Variants in PLXDC2 observed in about 807,000 individuals in gnomAD.
PLXDC2 encodes the protein plexin domain-containing protein 2.
In PLXDC2, 40 loss-of-function variants were observed where a neutral mutation model predicts 68.9. The observed-to-expected ratio is 0.58, with a 90% CI of 0.45 to 0.76. The LOEUF (loss-of-function observed/expected upper bound fraction) is 0.76, where lower values mean the gene tolerates loss of function less well. Ranked by LOEUF, PLXDC2 falls within the 30% of genes least tolerant of loss-of-function variation. The pLI is 0.00. For missense variants in PLXDC2, 644 were observed against 661.9 expected, an observed-to-expected ratio of 0.97 and a Z score of 0.30; for synonymous variants, 243 against 234.2, an observed-to-expected ratio of 1.04 and a Z score of -0.34.
chr10:20,247,965 G>C (rs1255635529), intron 13 of PLXDC2, among the ~76,000 whole-genome samples: 4 of 152,142 alleles, frequency 2.6e-5, no homozygotes, highest in Non-Finnish European at 5.9e-5. Context: ...CGTTTTCTTG[G>C]AAGAAAGTAG....
intron 4 of PLXDC2, among the ~76,000 whole-genome samples, chr10:20,084,873 G>A (rs1589621636): frequency 8.6e-6 from 1 of 116,712 alleles, no homozygotes; most frequent in Non-Finnish European, 1.6e-5. Flanking sequence ...CGAAGGCCGT[G>A]GCAGAGGAAA....
intron 1 of PLXDC2, among the ~76,000 whole-genome samples, chr10:19,819,417 G>C (rs2131992039): frequency 1.3e-5 from 2 of 152,182 alleles, no homozygotes; most frequent in South Asian, 4.1e-4. Flanking sequence ...TATAAAAAAA[G>C]CAAGGTGAAA....
At chr10:20,092,049 C>T (rs1054888371) in intron 4 of PLXDC2, among the ~76,000 whole-genome samples, 5 of 122,136 alleles carry the variant, frequency 4.1e-5, no homozygotes, top group East Asian at 2.3e-4. Context: ...ATTTACTAAG[C>T]GAAACTTCAT....
At chr10:19,920,253 C>T (rs1033658531) in intron 1 of PLXDC2, among the ~76,000 whole-genome samples, 9 of 152,166 alleles carry the variant, frequency 5.9e-5, no homozygotes, top group Non-Finnish European at 5.9e-5. Flanking sequence ...AACTGCTGAG[C>T]AGAGGAGGGT....
intron 4 of PLXDC2, among the ~76,000 whole-genome samples, chr10:20,098,101 C>A (rs539282422): frequency 2.4e-3 from 365 of 151,982 alleles, no homozygotes; most frequent in African/African-American, 8.0e-3. Flanking sequence ...GCTGCTGTAA[C>A]AAGTTACAAA....
At chr10:20,229,494 G>A (rs1052783395) in intron 12 of PLXDC2, among the ~76,000 whole-genome samples, 2 of 120,168 alleles carry the variant, frequency 1.7e-5, no homozygotes, top group Non-Finnish European at 3.2e-5. Context: ...TATTACTCAC[G>A]TAATATGCTG....
At chr10:19,992,344 CT>C (rs930376074) in intron 1 of PLXDC2, among the ~76,000 whole-genome samples, 1 of 152,110 alleles carries the variant, frequency 6.6e-6, no homozygotes, top group African/African-American at 2.4e-5. Context: ...ATGCAATGTT[CT>C]TTGTGAAAAA....
At chr10:20,100,248 C>A (rs1471053182) in intron 4 of PLXDC2, among the ~76,000 whole-genome samples, 1 of 152,316 alleles carries the variant, frequency 6.6e-6, no homozygotes, top group African/African-American at 2.4e-5. Context: ...CAGTGACTGA[C>A]ATAGCAAGAA....
chr10:20,075,082 C>T (rs371865525), intron 4 of PLXDC2, among the ~76,000 whole-genome samples: 22 of 152,264 alleles, frequency 1.4e-4, no homozygotes, highest in African/African-American at 4.8e-4. Context: ...CTGAGATAGA[C>T]CTCCAAAAAC....
At chr10:20,049,972 T>G (rs1265620816) in intron 3 of PLXDC2, among the ~76,000 whole-genome samples, 1 of 152,126 alleles carries the variant, frequency 6.6e-6, no homozygotes, top group African/African-American at 2.4e-5. Flanking sequence ...ACTGCAGGGC[T>G]GAAGTAACCA....
intron 1 of PLXDC2, among the ~76,000 whole-genome samples, chr10:19,958,455 A>G (rs966399368): frequency 6.6e-6 from 1 of 152,194 alleles, no homozygotes; most frequent in East Asian, 1.9e-4. Flanking sequence ...GTTCTTTGAC[A>G]TCTAAACATG....
rs189488092 is a variant in PLXDC2, at chr10:19,835,482, A to G, written c.112+18291A>G. Among the ~76,000 whole-genome samples, 34 of 152,312 alleles carry G rather than the reference A, an allele frequency of 2.2e-4. 2 individuals are homozygous for G. In the East Asian group the frequency reaches 5.6e-3, roughly 25 times the overall value. On this transcript the variant is annotated intron_variant, in intron 1 of 13. Coordinates refer to ENST00000377252, the MANE Select transcript of PLXDC2 (RefSeq NM_032812.9). ...TGGCGAGTACTGAGGTGCTCATGGGACATACCAGTGAAGACAGCAACTCTC... is the reference window on the plus strand; with the variant it reads ...TGGCGAGTACTGAGGTGCTCATGGGGCATACCAGTGAAGACAGCAACTCTC...
At chr10:20,208,318 G>T (rs35533872) in intron 9 of PLXDC2, among the ~76,000 whole-genome samples, 36,735 of 152,030 alleles carry the variant, frequency 0.24, 5,850 homozygotes, top group Middle Eastern at 0.37. Context: ...CTTACATGGT[G>T]CAGACAAGAA....
At chr10:19,879,052 G>A (rs777112750) in intron 1 of PLXDC2, among the ~76,000 whole-genome samples, 1 of 152,126 alleles carries the variant, frequency 6.6e-6, no homozygotes, top group South Asian at 2.1e-4. Flanking sequence ...TAAGTAAGTG[G>A]TCTTGTCTCT....
chr10:20,184,786 TA>T (rs1309221979), intron 9 of PLXDC2, among the ~76,000 whole-genome samples: 1 of 151,916 alleles, frequency 6.6e-6, no homozygotes, highest in African/African-American at 2.4e-5. Flanking sequence ...TGTGCCCCTT[TA>T]AGTGGGTATA....
chr10:20,063,610 T>TG (rs34211982), intron 3 of PLXDC2, among the ~76,000 whole-genome samples: 105,063 of 151,952 alleles, frequency 0.69, 38,660 homozygotes, highest in East Asian at 1. Flanking sequence ...TAGCAGAGAT[T>TG]TAATAATTAG....
intron 12 of PLXDC2, among the ~76,000 whole-genome samples, chr10:20,231,219 G>A (rs1835359841): frequency 6.7e-6 from 1 of 150,094 alleles, no homozygotes; most frequent in Admixed American, 6.7e-5. Context: ...TATGTGAAAT[G>A]CAAATCAAAC....
rs1438456849 is a variant in PLXDC2 at position 20,090,849 on chromosome 10, A to G, written c.541+22610A>G. ...AGATGTTAATATTAATTTAAAAAGC[A>G]TACTTTTAAACAATATCATTAGTAT... On this transcript the variant is annotated intron_variant, in intron 4 of 13. Transcript: ENST00000377252. Among the ~76,000 whole-genome samples, 3 of 152,242 alleles carry G rather than the reference A, an allele frequency of 2.0e-5. No homozygotes were observed. In the East Asian group the frequency reaches 5.8e-4, roughly 29 times the overall value.
rs151004356 is a variant in PLXDC2 at position 20,276,460 on chromosome 10, G to A, written c.1474-3243G>A. Among the ~76,000 whole-genome samples the A allele has an allele frequency of 4.1e-4, 63 of 152,270 alleles. No individual in the cohort carries two copies. In the East Asian group the frequency reaches 0.011, roughly 26 times the overall value. On this transcript the variant is annotated intron_variant, in intron 13 of 13. Transcript: ENST00000377252. ...ATTCCTGACTGCACAGCCAACCCCA[G>A]TGCCAACATTATTGCTGCGAGCATT...
Sources: gnomAD v4.1 joint callset for allele counts (sites outside exome capture counted in the v4.1 genomes callset) on GRCh38, gnomAD v4.1.1 for gene constraint, MANE v1.5 for transcripts, NCBI Gene and HGNC (gene_info 2026-07-23, HGNC 2026-07-21) for gene names.